EPHA8: variants seen among roughly 807,000 people sequenced by gnomAD.
EPHA8 encodes the protein EPH receptor A8.
In EPHA8, 58 loss-of-function variants were observed where a neutral mutation model predicts 103.6. The ratio of observed to expected loss-of-function variants is 0.56; its 90% confidence interval spans 0.45 to 0.70. The LOEUF is 0.70. Ranked by LOEUF, EPHA8 falls within the 30% of genes least tolerant of loss-of-function variation. The probability of loss-of-function intolerance (pLI) is 0.00; values close to 1 mark genes in which losing one functional copy is unlikely to be tolerated. For synonymous variants in EPHA8, 559 were observed against 572.5 expected, an observed-to-expected ratio of 0.98 and a Z score of 0.34; for missense variants, 1,304 against 1,395.2, an observed-to-expected ratio of 0.93 and a Z score of 1.04.
At position 22,563,823 on chromosome 1, in the gene EPHA8, G is replaced by A. The variant is rs2124502120; in HGVS notation, c.94+94G>A. ...GCTCAACTTCCTTTGCATGGACCCT[G>A]AGCTCCAAGGCGGCCGGGATCCCTC... On this transcript the variant is annotated intron_variant, in intron 1 of 16. Transcript: ENST00000166244. The surrounding 1 kb of genome is among the most constrained non-coding windows in gnomAD (Gnocchi z 4.4). The A allele has an allele frequency of 6.5e-6, 1 of 152,746 alleles. No individual in the cohort carries two copies. The highest frequency in any genetic ancestry group is 1.5e-5 in the Non-Finnish European group (1 of 67,978). 9.5% of individuals were successfully genotyped at this position (152,746 alleles called of 1,614,324 possible).
At chr1:22,578,041 ATG>A (rs372833595) in intron 3 of EPHA8, among the ~76,000 whole-genome samples, 35 of 5,064 alleles carry the variant, frequency 6.9e-3, no homozygotes, top group East Asian at 9.3e-3. Context: ...ATGTGTATGT[ATG>A]TGCATGTGTG....
Position 22,589,074 on chromosome 1 carries a change from G to A in EPHA8, c.1183G>A (p.Ala395Thr). 1 of 1,613,342 alleles carries A rather than the reference G, an allele frequency of 6.2e-7. No individual in the cohort carries two copies. The highest frequency in any genetic ancestry group is 8.5e-7 in the Non-Finnish European group (1 of 1,179,726). Residue 395 changes from alanine to threonine, a missense_variant, in exon 5 of 17, where the codon GCC becomes ACC. Physicochemically the swap from Ala to Thr is moderately conservative, Grantham distance 58. Transcript: ENST00000166244. The surrounding 1 kb of genome is among the most constrained non-coding windows in gnomAD (Gnocchi z 4.3). Reference protein sequence around the residue: ...FVPQQTSLVQASLLVANLLAH... With the variant: ...FVPQQTSLVQTSLLVANLLAH... ...GCCCCAGCAGACAAGCCTGGTGCAGGCCAGCCTGCTGGTGGCCAACCTGCT... is the reference window on the plus strand; with the variant it reads ...GCCCCAGCAGACAAGCCTGGTGCAGACCAGCCTGCTGGTGGCCAACCTGCT...
chr1:22,600,733 G>T lies in EPHA8; in HGVS notation c.2461G>T (p.Val821Leu). The change falls in exon 14 of 17, where the codon GTG becomes TTG. Residue 821 changes from valine (V) to leucine (L), a missense_variant. By Grantham distance (32) the Val-to-Leu change is conservative. Coordinates refer to ENST00000166244, the MANE Select transcript of EPHA8 (RefSeq NM_020526.5). ...AFRTFSSASD[V>L]WSFGVVMWEV... ...CCGCACCTTCTCCTCGGCCAGCGAC[G>T]TGTGGAGCTTCGGCGTGGTCATGTG... The T allele has an allele frequency of 2.5e-6, 4 of 1,613,564 alleles. No homozygotes were observed. The highest frequency in any genetic ancestry group is 3.4e-6 in the Non-Finnish European group (4 of 1,179,786).
intron 2 of EPHA8, among the ~76,000 whole-genome samples, chr1:22,571,753 A>C (rs559813648): frequency 6.6e-6 from 1 of 152,292 alleles, no homozygotes; most frequent in South Asian, 2.1e-4. Context: ...CTTCTGTTTA[A>C]TTAGCTTTCC....
At chr1:22,582,516 C>T (rs1641074113) in intron 3 of EPHA8, among the ~76,000 whole-genome samples, 2 of 130,728 alleles carry the variant, frequency 1.5e-5, no homozygotes, top group African/African-American at 7.7e-5. Flanking sequence ...TTAGATTGCA[C>T]TCAGACCTCA....
chr1:22,578,232 GTA>G (rs1488762183), intron 3 of EPHA8, among the ~76,000 whole-genome samples: 46 of 141,520 alleles, frequency 3.3e-4, no homozygotes, highest in South Asian at 1.4e-3. Flanking sequence ...GTGCATGTGT[GTA>G]TGTGTGCATG....
At chr1:22,596,219 G>C (rs1641514559) in intron 9 of EPHA8, 46 bp downstream of exon 9, 1 of 1,590,732 alleles carries the variant, frequency 6.3e-7, no homozygotes, top group Admixed American at 1.7e-5. Flanking sequence ...AAGGCCACAG[G>C]GGGACCCAGT....
intron 3 of EPHA8, among the ~76,000 whole-genome samples, chr1:22,579,446 G>A (rs1419416601): frequency 6.6e-6 from 1 of 151,886 alleles, no homozygotes; most frequent in Non-Finnish European, 1.5e-5. Flanking sequence ...GTGTGCATGA[G>A]TGTATGTGTG....
chr1:22,601,351 C>T lies in EPHA8; in HGVS notation c.2781C>T (p.Ser927=), dbSNP rs755064868. 1.1e-5 allele frequency: 17 copies of T among 1,608,532 alleles called. No homozygotes were observed. The Middle Eastern group carries it at 5.0e-4, about 47-fold the overall frequency. Residue 927 remains serine (S), a synonymous_variant, in exon 16 of 17, where the codon AGC becomes AGT. Coordinates refer to ENST00000166244, the MANE Select transcript of EPHA8 (RefSeq NM_020526.5). ...GCTGCTTTGACCTCCGAGGGGGCAG[C>T]GGTGGCGGTGGGGGCCTCACCGTGG... ...VRSCFDLRGG[S]GGGGGLTVGD...
chr1:22,593,492 G>A (rs1448386459), intron 6 of EPHA8, 32 bp from the exon 7 acceptor site: 1 of 1,610,478 alleles, frequency 6.2e-7, no homozygotes, highest in South Asian at 1.1e-5. Flanking sequence ...GGGCCAGCAG[G>A]GCAGGGCCCA....
In EPHA8 at chr1:22,597,655, T is replaced by C. The variant is rs772859945; in HGVS notation, c.1931-21T>C. On this transcript the variant is annotated intron_variant, in intron 10 of 16. Coordinates refer to ENST00000166244, the MANE Select transcript of EPHA8 (RefSeq NM_020526.5). This position sits in a 1 kb window ranked among gnomAD's most constrained non-coding sequence, Gnocchi z 4.6. ...GGTCCCACTGCCCTCCCTCCACACCTGCCCCTCTCGGGGCCTGCAGGAGAC... is the reference window on the plus strand; with the variant it reads ...GGTCCCACTGCCCTCCCTCCACACCCGCCCCTCTCGGGGCCTGCAGGAGAC... The C allele has an allele frequency of 6.3e-7, 1 of 1,589,312 alleles. No homozygotes were observed. The highest frequency in any genetic ancestry group is 1.1e-5 in the South Asian group (1 of 87,586).
chr1:22,597,609 G>A lies in EPHA8; in HGVS notation c.1931-67G>A, dbSNP rs888338745. ...GCAAGCCCAGGGGGTCCAAGGGCCT[G>A]GGAGGCTGGGGGAGTCTGAGGGTCC... On this transcript the variant is annotated intron_variant, in intron 10 of 16. Coordinates refer to ENST00000166244, the MANE Select transcript of EPHA8 (RefSeq NM_020526.5). This position sits in a 1 kb window ranked among gnomAD's most constrained non-coding sequence, Gnocchi z 4.6. 6 of 1,550,876 alleles carry A rather than the reference G, an allele frequency of 3.9e-6. No individual in the cohort carries two copies. In the African/African-American group the frequency reaches 6.8e-5, roughly 18 times the overall value.
In EPHA8 at chr1:22,597,661, T is replaced by C; in HGVS notation, c.1931-15T>C. The C allele has an allele frequency of 6.3e-7, 1 of 1,593,154 alleles. No homozygotes were observed. Among genetic ancestry groups the C allele is most frequent in the African/African-American group, 1.3e-5 (1 of 74,580 alleles). The stretch of plus-strand genomic sequence containing the variant: ...ACTGCCCTCCCTCCACACCTGCCCC[T>C]CTCGGGGCCTGCAGGAGACTCCGGG... On this transcript the variant is annotated splice_polypyrimidine_tract_variant and intron_variant, in intron 10 of 16. Coordinates refer to ENST00000166244, the MANE Select transcript of EPHA8 (RefSeq NM_020526.5). The surrounding 1 kb of genome is among the most constrained non-coding windows in gnomAD (Gnocchi z 4.6).
At position 22,602,018 on chromosome 1, in the gene EPHA8, C is replaced by G. The variant is rs1014854780; in HGVS notation, c.*277C>G. ...GGGGCCTCCACGTCACAGAGTCCAA[C>G]AGGGACATCACTCGCCTGCCTCTGT... On this transcript the variant is annotated 3_prime_UTR_variant, in exon 17 of 17. Transcript: ENST00000166244. 10 of 548,796 alleles carry G rather than the reference C, an allele frequency of 1.8e-5. No homozygotes were observed. Among genetic ancestry groups the G allele is most frequent in the Non-Finnish European group, 2.9e-5 (9 of 313,692 alleles). The allele number at this position is 548,796 out of a possible 1,614,324, so 34.0% of individuals were successfully genotyped here.
At chr1:22,571,812 G>A (rs959055288) in intron 2 of EPHA8, among the ~76,000 whole-genome samples, 1 of 152,144 alleles carries the variant, frequency 6.6e-6, no homozygotes, top group Non-Finnish European at 1.5e-5. Context: ...CATTTTAGGA[G>A]GCTTGCTTGC....
intron 15 of EPHA8, 76 bp from the exon 16 acceptor site, chr1:22,601,224 C>A: frequency 6.5e-7 from 1 of 1,542,322 alleles, no homozygotes; most frequent in East Asian, 2.3e-5. Flanking sequence ...TGCCGAACCC[C>A]TTCCTCAGCC....
chr1:22,600,721 T>C lies in EPHA8; in HGVS notation c.2449T>C (p.Ser817Pro), dbSNP rs374741939. 3 of 1,613,594 alleles carry C rather than the reference T, an allele frequency of 1.9e-6. No homozygotes were observed. The highest frequency in any genetic ancestry group is 3.3e-5 in the Admixed American group (2 of 60,006). Residue 817 changes from serine (S) to proline (P), a missense_variant, in exon 14 of 17, where the codon TCG (serine) becomes CCG (proline). Transcript: ENST00000166244. ...PEAIAFRTFS[S>P]ASDVWSFGVV... ...GGCCATCGCCTTCCGCACCTTCTCCTCGGCCAGCGACGTGTGGAGCTTCGG... is the reference window on the plus strand; with the variant it reads ...GGCCATCGCCTTCCGCACCTTCTCCCCGGCCAGCGACGTGTGGAGCTTCGG...
rs1178510481 is a variant in EPHA8 at position 22,569,974 on chromosome 1, G to T, written c.159+621G>T. 3.9e-5 allele frequency among the ~76,000 whole-genome samples: 6 copies of T among 152,104 alleles called. No homozygotes were observed. The highest frequency in any genetic ancestry group is 3.9e-4 in the Admixed American group (6 of 15,274). On this transcript the variant is annotated intron_variant, in intron 2 of 16. Coordinates refer to ENST00000166244, the MANE Select transcript of EPHA8 (RefSeq NM_020526.5). The surrounding 1 kb of genome is among the most constrained non-coding windows in gnomAD (Gnocchi z 4.5). The stretch of plus-strand genomic sequence containing the variant: ...GCGAGCCTGGTGAGATCCCAGCTCT[G>T]CCCTTGACAAGCAGGTGGACTTGGG...
Position 22,567,990 on chromosome 1 carries a change from G to A in EPHA8, c.95-1299G>A, listed in dbSNP as rs1329407331. Among the ~76,000 whole-genome samples the A allele has an allele frequency of 6.6e-6, 1 of 152,242 alleles. No individual in the cohort carries two copies. The highest frequency in any genetic ancestry group is 2.4e-5 in the African/African-American group (1 of 41,456). ...GGGACTTAACCAAGGACACACAGCA[G>A]TTAGAGACGGCTGAAGCCGGAGCCC... is the stretch of plus-strand genomic sequence containing the variant. On this transcript the variant is annotated intron_variant, in intron 1 of 16. Transcript: ENST00000166244. This position sits in a 1 kb window ranked among gnomAD's most constrained non-coding sequence, Gnocchi z 4.2.
Sources: gnomAD v4.1 joint callset for allele counts (sites outside exome capture counted in the v4.1 genomes callset) on GRCh38, gnomAD v4.1.1 for gene constraint, Gnocchi (gnomAD v3.1) non-coding constraint, MANE v1.5 for transcripts, NCBI Gene and HGNC (gene_info 2026-07-23, HGNC 2026-07-21) for gene names.